Variants in SBF2 observed in about 807,000 individuals in gnomAD.
SBF2 encodes the protein SET binding factor 2.
SBF2 carries 112 observed loss-of-function variants against 225.2 expected under a neutral mutation model. The ratio of observed to expected loss-of-function variants is 0.50; its 90% CI spans 0.43 to 0.58. SBF2 has a LOEUF of 0.58. Among genes scored for constraint, SBF2 ranks in the 20% least tolerant of loss-of-function variants. The pLI is 0.00. For synonymous variants in SBF2, 763 were observed against 773.3 expected, an observed-to-expected ratio of 0.99 and a Z score of 0.22; for missense variants, 1,996 against 2,206.2, an observed-to-expected ratio of 0.90 and a Z score of 1.91.
At chr11:10,072,726 T>TC (rs954951999) in intron 2 of SBF2, among the ~76,000 whole-genome samples, 1 of 144,004 alleles carries the variant, frequency 6.9e-6, no homozygotes, top group South Asian at 2.3e-4. Flanking sequence ...GGAATCTTTT[T>TC]TTTTTTTCTT....
intron 16 of SBF2, among the ~76,000 whole-genome samples, chr11:9,934,804 C>A (rs7130670): frequency 0.22 from 32,838 of 152,012 alleles, 4,071 homozygotes; most frequent in Non-Finnish European, 0.29. Context: ...CGGAACGTAC[C>A]TCAAAATAAT....
chr11:10,036,621 G>A (rs1189711385), intron 3 of SBF2, among the ~76,000 whole-genome samples: 1 of 152,108 alleles, frequency 6.6e-6, no homozygotes, highest in Non-Finnish European at 1.5e-5. Context: ...GTAATCACAT[G>A]CCCAGAGGGA....
intron 2 of SBF2, among the ~76,000 whole-genome samples, chr11:10,100,463 T>C (rs1952241519): frequency 6.6e-6 from 1 of 152,230 alleles, no homozygotes; most frequent in Non-Finnish European, 1.5e-5. Context: ...ATCTCTCTAC[T>C]GGCAGGGTGC....
At chr11:10,297,165 C>A (rs1469575857), upstream of SBF2, among the ~76,000 whole-genome samples, 2 of 151,806 alleles carry the variant, frequency 1.3e-5, no homozygotes, top group African/African-American at 4.8e-5. Context: ...TTTTCATTTT[C>A]TTTTTAAAAT....
chr11:9,781,960 G>A (rs769498933), intron 38 of SBF2, among the ~76,000 whole-genome samples: 3 of 151,972 alleles, frequency 2.0e-5, no homozygotes, highest in South Asian at 2.1e-4. Context: ...GAAGGTGGAC[G>A]GATCACTTAA....
chr11:9,898,572 G>A (rs1457674321), intron 16 of SBF2, among the ~76,000 whole-genome samples: 2 of 152,136 alleles, frequency 1.3e-5, no homozygotes, highest in South Asian at 2.1e-4. Flanking sequence ...TCAGGAGGCT[G>A]AGGCAGGAGA....
chr11:10,100,300 G>A (rs1307126829), intron 2 of SBF2, among the ~76,000 whole-genome samples: 2 of 152,204 alleles, frequency 1.3e-5, no homozygotes, highest in African/African-American at 4.8e-5. Context: ...CAGCGGGCAG[G>A]GTGAACCTGT....
chr11:10,117,190 C>T (rs1454319462), intron 2 of SBF2, among the ~76,000 whole-genome samples: 3 of 152,118 alleles, frequency 2.0e-5, no homozygotes, highest in African/African-American at 7.2e-5. Context: ...CCTGTAATCC[C>T]AGCACTTCAG....
intron 3 of SBF2, among the ~76,000 whole-genome samples, chr11:10,034,725 T>C (rs1484883422): frequency 1.3e-5 from 2 of 152,334 alleles, no homozygotes; most frequent in Middle Eastern, 3.4e-3. Context: ...ATTTCCTTTC[T>C]GAAATGTAAT....
chr11:9,984,026 C>T (rs1349272768), intron 13 of SBF2, among the ~76,000 whole-genome samples: 1 of 152,160 alleles, frequency 6.6e-6, no homozygotes, highest in Non-Finnish European at 1.5e-5. Flanking sequence ...GGCTCTTCAA[C>T]ATCCCCCCAA....
chr11:9,839,318 T>TC, intron 26 of SBF2, 180 bp downstream of exon 26: 1 of 671,328 alleles, frequency 1.5e-6, no homozygotes, highest in Non-Finnish European at 2.6e-6. Flanking sequence ...CTAGAGGTAC[T>TC]TTCAGTAAGG....
intron 13 of SBF2, among the ~76,000 whole-genome samples, chr11:9,975,076 A>G (rs575356487): frequency 2.0e-5 from 3 of 152,058 alleles, no homozygotes; most frequent in Non-Finnish European, 4.4e-5. Context: ...AAAATGCAAA[A>G]TAACGTAGAC....
At chr11:10,280,636 T>A (rs1457246801) in intron 1 of SBF2, among the ~76,000 whole-genome samples, 3 of 152,236 alleles carry the variant, frequency 2.0e-5, no homozygotes, top group Non-Finnish European at 2.9e-5. Flanking sequence ...ATCATCTTAA[T>A]ATGCTGCCTC....
chr11:9,790,965 T>G lies in SBF2; in HGVS notation c.4571-282A>C, dbSNP rs1590091324. On this transcript the variant is annotated intron_variant, in intron 33 of 39. Transcript: ENST00000256190. The stretch of plus-strand genomic sequence containing the variant: ...TCTTCCAACCCTCATCCTGCATCTA[T>G]ATCTAGATTCAAAGAAGTCCATGCA... 4 of 262,672 alleles carry G rather than the reference T, an allele frequency of 1.5e-5. No individual in the cohort carries two copies. In the East Asian group the frequency reaches 3.7e-4, roughly 25 times the overall value. The allele number at this position is 262,672 out of a possible 1,614,324, so 16.3% of individuals were successfully genotyped here.
At chr11:10,110,691 C>A (rs1952796577) in intron 2 of SBF2, among the ~76,000 whole-genome samples, 1 of 152,062 alleles carries the variant, frequency 6.6e-6, no homozygotes. Context: ...ATTAAGAGTT[C>A]AACTAACTAG....
intron 16 of SBF2, among the ~76,000 whole-genome samples, chr11:9,930,882 G>A (rs976137593): frequency 6.6e-5 from 10 of 152,270 alleles, no homozygotes; most frequent in African/African-American, 2.4e-4. Flanking sequence ...TGGAAAAACG[G>A]GACACTCCCA....
intron 2 of SBF2, among the ~76,000 whole-genome samples, chr11:10,152,529 A>G (rs1466703882): frequency 6.6e-6 from 1 of 152,112 alleles, no homozygotes; most frequent in Non-Finnish European, 1.5e-5. Flanking sequence ...AGCCTGGGCA[A>G]CAAGAGTGAA....
chr11:10,213,722 A>G (rs1241760172), intron 1 of SBF2, among the ~76,000 whole-genome samples: 1 of 152,194 alleles, frequency 6.6e-6, no homozygotes, highest in African/African-American at 2.4e-5. Context: ...CAGCATCTTT[A>G]AGCATCACTC....
At chr11:10,269,004 AT>A (rs966980238) in intron 1 of SBF2, among the ~76,000 whole-genome samples, 10 of 151,574 alleles carry the variant, frequency 6.6e-5, no homozygotes, top group African/African-American at 1.7e-4. Context: ...TCATTAAGTG[AT>A]TTTTTTTTCC....
Sources: allele counts gnomAD v4.1 joint callset (sites outside exome capture counted in the v4.1 genomes callset), GRCh38; gene constraint gnomAD v4.1.1; transcripts MANE v1.5; gene names NCBI Gene and HGNC (gene_info 2026-07-23, HGNC 2026-07-21).